RNF175: variants seen among roughly 807,000 people sequenced by gnomAD.
RNF175 encodes the protein ring finger protein 175.
RNF175 carries 38 observed loss-of-function variants against 50.0 expected under a neutral mutation model. The ratio of observed to expected loss-of-function variants is 0.76; its 90% CI spans 0.59 to 1.00. The LOEUF is 1.00. RNF175 is among the 50% of genes least tolerant of loss of function. The pLI is 0.00. For synonymous variants in RNF175, 155 were observed against 146.1 expected (o/e 1.06, Z -0.44); for missense variants, 388 against 409.6 (o/e 0.95, Z 0.46).
Position 153,748,760 on chromosome 4 carries a change from A to G in RNF175, c.131T>C (p.Met44Thr). The G allele has an allele frequency of 6.2e-7, 1 of 1,612,352 alleles. No individual in the cohort carries two copies. Among genetic ancestry groups the G allele is most frequent in the Non-Finnish European group, 8.5e-7 (1 of 1,179,228 alleles). ...GTGCATGGAATCGTGGCCCCGGTGCATCTTGTACATCCTCTCCTGCTGCAG... is the reference window on the plus strand; with the variant it reads ...GTGCATGGAATCGTGGCCCCGGTGCGTCTTGTACATCCTCTCCTGCTGCAG... ...WNLQQERMYK[M>T]HRGHDSMHVE... Residue 44 changes from methionine to threonine, a missense_variant, in exon 3 of 9, where the codon ATG (methionine) becomes ACG (threonine). Coordinates refer to ENST00000347063, the MANE Select transcript of RNF175 (RefSeq NM_173662.4).
chr4:153,723,732 C>T (rs1210055056), intron 4 of RNF175, among the ~76,000 whole-genome samples: 1 of 152,106 alleles, frequency 6.6e-6, no homozygotes, highest in East Asian at 1.9e-4. Context: ...TTAAAAATAG[C>T]CTTCAGGAAT....
At chr4:153,733,936 C>T (rs909953066) in intron 3 of RNF175, among the ~76,000 whole-genome samples, 1 of 152,190 alleles carries the variant, frequency 6.6e-6, no homozygotes, top group African/African-American at 2.4e-5. Context: ...TTCAGAATGT[C>T]ATATAATTGA....
At chr4:153,759,772 C>T in intron 1 of RNF175, 25 bp downstream of exon 1, 1 of 1,453,088 alleles carries the variant, frequency 6.9e-7, no homozygotes, top group Non-Finnish European at 9.1e-7. Context: ...TGGCGTCCCC[C>T]ACGCCCGCGC....
At position 153,715,043 on chromosome 4, in the gene RNF175, A is replaced by G. The variant is rs570649639; in HGVS notation, c.764+486T>C. ...TCCTCCCTTGGCTGCCCCCAAGACT[A>G]CTGTTGCCACAGGTAGGTTCCTAGG... On this transcript the variant is annotated intron_variant, in intron 7 of 8. Coordinates refer to ENST00000347063, the MANE Select transcript of RNF175 (RefSeq NM_173662.4). 2.3e-5 allele frequency: 4 copies of G among 172,862 alleles called. No homozygotes were observed. In the East Asian group the frequency reaches 6.2e-4, roughly 27 times the overall value. 10.7% of individuals were successfully genotyped at this position (172,862 alleles called of 1,614,324 possible). A position where few individuals can be genotyped will look rare whatever the true frequency, so the allele number is the denominator to read the frequency against.
intron 5 of RNF175, chr4:153,720,507 G>A: frequency 2.1e-6 from 1 of 478,584 alleles, no homozygotes; most frequent in Non-Finnish European, 3.8e-6. Flanking sequence ...AGTGCCAACT[G>A]GACAAAGGAA....
intron 1 of RNF175, among the ~76,000 whole-genome samples, chr4:153,756,328 G>A (rs530775341): frequency 6.6e-6 from 1 of 152,098 alleles, no homozygotes; most frequent in Non-Finnish European, 1.5e-5. Context: ...GCCCCACTTG[G>A]GACTCTCTCT....
intron 3 of RNF175, among the ~76,000 whole-genome samples, chr4:153,743,767 CAG>C (rs1256470978): frequency 6.6e-6 from 1 of 152,114 alleles, no homozygotes; most frequent in African/African-American, 2.4e-5. Flanking sequence ...CTAAAGGAGT[CAG>C]GGGGAGGTGG....
intron 8 of RNF175, among the ~76,000 whole-genome samples, 191 bp from the exon 9 acceptor site, chr4:153,710,680 CA>C (rs1273633353): frequency 6.6e-6 from 1 of 152,172 alleles, no homozygotes; most frequent in African/African-American, 2.4e-5. Context: ...ACACCACACC[CA>C]ATTCCTGAAA....
At chr4:153,722,046 G>T (rs945862395) in intron 5 of RNF175, among the ~76,000 whole-genome samples, 2 of 152,190 alleles carry the variant, frequency 1.3e-5, no homozygotes, top group African/African-American at 2.4e-5. Context: ...TGCCTTCCCT[G>T]TTTTCTGAGT....
intron 1 of RNF175, among the ~76,000 whole-genome samples, chr4:153,758,127 T>C (rs924366899): frequency 6.6e-6 from 1 of 152,052 alleles, no homozygotes; most frequent in Non-Finnish European, 1.5e-5. Flanking sequence ...GAAAATAAAA[T>C]AGGGTGAGGT....
At chr4:153,750,878 T>TTATGAGATTAATCTATTAATATGTTA in intron 2 of RNF175, among the ~76,000 whole-genome samples, 1 of 151,334 alleles carries the variant, frequency 6.6e-6, no homozygotes, top group Non-Finnish European at 1.5e-5. Context: ...AAAATATGCT[T>TTATGAGATTAATCTATTAATATGTTA]TATGAGATTA....
intron 5 of RNF175, among the ~76,000 whole-genome samples, chr4:153,722,995 G>T (rs1738446761): frequency 1.3e-5 from 2 of 152,162 alleles, no homozygotes; most frequent in Non-Finnish European, 2.9e-5. Context: ...TTTTAGATAA[G>T]AAGATATATA....
chr4:153,734,930 C>A lies in RNF175; in HGVS notation c.247-6569G>T, dbSNP rs186810240. Among the ~76,000 whole-genome samples the A allele has an allele frequency of 1.3e-3, 193 of 152,176 alleles. 2 individuals are homozygous for A. Among genetic ancestry groups the A allele is most frequent in the Admixed American group, 0.012 (186 of 15,278 alleles). Reference sequence around the variant, plus strand: ...TGACCTAGTGATCTGCCCACCTCGGCCTCCCAAAGTGCAGGGATTACAGGC... The same window carrying A: ...TGACCTAGTGATCTGCCCACCTCGGACTCCCAAAGTGCAGGGATTACAGGC... On this transcript the variant is annotated intron_variant, in intron 3 of 8. Coordinates refer to ENST00000347063, the MANE Select transcript of RNF175 (RefSeq NM_173662.4).
rs867474420 is a variant in RNF175, at chr4:153,751,473, G to C, written c.69C>G (p.Leu23=). Reference sequence around the variant, plus strand: ...CTTCTGCAGAAAGCTTTGTATGAGAGAGCTGAAAAACATAAAAAGGGCCCT... The same window carrying C: ...CTTCTGCAGAAAGCTTTGTATGAGACAGCTGAAAAACATAAAAAGGGCCCT... The part of the protein sequence containing the change: ...VLEAPPQQEQ[L]SHTKLSAEDT... The change falls in exon 2 of 9, where the codon CTC becomes CTG. Residue 23 remains leucine, a splice_region_variant and synonymous_variant. Transcript: ENST00000347063. 1 of 1,555,758 alleles carries C rather than the reference G, an allele frequency of 6.4e-7. No individual in the cohort carries two copies. The highest frequency in any genetic ancestry group is 2.4e-5 in the East Asian group (1 of 42,486).
intron 3 of RNF175, among the ~76,000 whole-genome samples, chr4:153,743,471 G>T (rs1739792011): frequency 6.6e-6 from 1 of 152,122 alleles, no homozygotes; most frequent in South Asian, 2.1e-4. Flanking sequence ...ATATTCCAGA[G>T]ACCAACAAAG....
At chr4:153,733,341 C>A (rs1252922026) in intron 3 of RNF175, among the ~76,000 whole-genome samples, 1 of 152,156 alleles carries the variant, frequency 6.6e-6, no homozygotes, top group Non-Finnish European at 1.5e-5. Context: ...AGCTTTTACA[C>A]ATATTACTAT....
At chr4:153,718,234 G>GTTTTTTTTTT (rs1276542726) in intron 6 of RNF175, among the ~76,000 whole-genome samples, 1 of 64,254 alleles carries the variant, frequency 1.6e-5, no homozygotes, top group African/African-American at 5.9e-5. Context: ...TTGTTTGTTT[G>GTTTTTTTTTT]TTTGTTTTTT....
At chr4:153,713,538 G>A (rs1023086166) in intron 7 of RNF175, 1 of 152,134 alleles carries the variant, frequency 6.6e-6, no homozygotes. Context: ...TGCTCCCAAT[G>A]TGACTTTCTG....
chr4:153,756,344 A>C (rs1316988553), intron 1 of RNF175, among the ~76,000 whole-genome samples: 1 of 152,104 alleles, frequency 6.6e-6, no homozygotes, highest in Non-Finnish European at 1.5e-5. Flanking sequence ...TCTCTCTCAG[A>C]TATGTGAATT....
Sources: gnomAD v4.1 joint callset for allele counts (sites outside exome capture counted in the v4.1 genomes callset) on GRCh38, gnomAD v4.1.1 for gene constraint, MANE v1.5 for transcripts, NCBI Gene and HGNC (gene_info 2026-07-23, HGNC 2026-07-21) for gene names.